NEO1: variants seen among roughly 807,000 people sequenced by gnomAD.
NEO1 encodes neogenin.
NEO1 carries 63 observed loss-of-function variants against 159.7 expected under a neutral mutation model. The observed-to-expected ratio is 0.39, with a 90% CI of 0.32 to 0.49. The LOEUF (loss-of-function observed/expected upper bound fraction) is 0.49, where lower values mean the gene tolerates loss of function less well. NEO1 is among the 20% of genes least tolerant of loss of function. The pLI, the probability that NEO1 is intolerant of heterozygous loss-of-function variation, is 0.85. For synonymous variants in NEO1, 633 were observed against 662.0 expected, an observed-to-expected ratio of 0.96 and a Z score of 0.67; for missense variants, 1,615 against 1,831.0, an observed-to-expected ratio of 0.88 and a Z score of 2.15.
chr15:73,289,285 C>T (rs776305292), intron 25 of NEO1, 47 bp downstream of exon 25: 2 of 1,461,052 alleles, frequency 1.4e-6, no homozygotes, highest in African/African-American at 1.4e-5. Flanking sequence ...TCTGTTCAGT[C>T]ATGTAGGGGA....
At position 73,263,595 on chromosome 15, in the gene NEO1, C is replaced by T. The variant is rs189122440; in HGVS notation, c.2399-2721C>T. On this transcript the variant is annotated intron_variant, in intron 15 of 28. Coordinates refer to ENST00000261908, the MANE Select transcript of NEO1 (RefSeq NM_002499.4). ...TAATTACTTTTCCAAATTGGATTAT[C>T]GTTATAGATCTTTTTTGAAACACTT... is the stretch of plus-strand genomic sequence containing the variant. 1.4e-3 allele frequency among the ~76,000 whole-genome samples: 216 copies of T among 152,070 alleles called. 1 individual carries two copies. The highest frequency in any genetic ancestry group is 2.9e-3 in the African/African-American group (122 of 41,514).
At chr15:73,176,084 G>T in intron 5 of NEO1, among the ~76,000 whole-genome samples, 1 of 152,086 alleles carries the variant, frequency 6.6e-6, no homozygotes, top group East Asian at 1.9e-4. Context: ...TAAATCTTAG[G>T]GAAGTATTCT....
At chr15:73,215,272 T>G (rs1295551800) in intron 7 of NEO1, among the ~76,000 whole-genome samples, 1 of 152,208 alleles carries the variant, frequency 6.6e-6, no homozygotes, top group Non-Finnish European at 1.5e-5. Context: ...CCTTTATTTC[T>G]TTCTCTTGTC....
rs114079611 is a variant in NEO1 at position 73,143,820 on chromosome 15, C to T, written c.1015+7793C>T. The stretch of plus-strand genomic sequence containing the variant: ...CTCAAGATTAGTTTACTTGACCCCT[C>T]TGTGAAGCTTTTCTTAACCATCCCC... On this transcript the variant is annotated intron_variant, in intron 5 of 28. Coordinates refer to ENST00000261908, the MANE Select transcript of NEO1 (RefSeq NM_002499.4). 1.0e-3 allele frequency among the ~76,000 whole-genome samples: 157 copies of T among 152,312 alleles called. 1 individual carries two copies. The highest frequency in any genetic ancestry group is 3.5e-3 in the African/African-American group (145 of 41,568).
intron 1 of NEO1, among the ~76,000 whole-genome samples, chr15:73,087,628 T>C (rs1037850226): frequency 5.9e-5 from 9 of 152,178 alleles, no homozygotes; most frequent in African/African-American, 2.2e-4. Context: ...ATGGGTCTTC[T>C]ACAAGATAAA....
intron 27 of NEO1, among the ~76,000 whole-genome samples, chr15:73,300,582 T>G (rs1374092483): frequency 6.6e-6 from 1 of 152,124 alleles, no homozygotes; most frequent in Non-Finnish European, 1.5e-5. Flanking sequence ...ATACAAAAAG[T>G]TAGCCGGGTG....
At chr15:73,238,958 C>A (rs796422880) in intron 8 of NEO1, among the ~76,000 whole-genome samples, 15 of 152,226 alleles carry the variant, frequency 9.9e-5, no homozygotes, top group African/African-American at 3.1e-4. Context: ...CAGCGATTCT[C>A]CTGCCTCAGC....
chr15:73,302,077 T>C (rs1437785767), intron 28 of NEO1, among the ~76,000 whole-genome samples: 1 of 152,244 alleles, frequency 6.6e-6, no homozygotes, highest in African/African-American at 2.4e-5. Context: ...CTGTCATTGT[T>C]CTTTTCTTGG....
chr15:73,073,205 C>T (rs2068618861), intron 1 of NEO1, among the ~76,000 whole-genome samples: 1 of 152,146 alleles, frequency 6.6e-6, no homozygotes, highest in African/African-American at 2.4e-5. Flanking sequence ...GGTTGTATCA[C>T]AGGAACCAAG....
intron 7 of NEO1, among the ~76,000 whole-genome samples, chr15:73,186,879 G>A (rs375467530): frequency 6.6e-6 from 1 of 152,058 alleles, no homozygotes; most frequent in Non-Finnish European, 1.5e-5. Context: ...CCATTCTAGC[G>A]CAAAAGCCAC....
chr15:73,293,623 C>A, intron 26 of NEO1, 75 bp downstream of exon 26: 1 of 1,474,708 alleles, frequency 6.8e-7, no homozygotes. Context: ...AAGGACTTGC[C>A]CTACTTAGAA....
At chr15:73,252,241 G>A (rs1388491197) in intron 11 of NEO1, among the ~76,000 whole-genome samples, 4 of 152,168 alleles carry the variant, frequency 2.6e-5, no homozygotes, top group Non-Finnish European at 5.9e-5. Flanking sequence ...AAGTTTCCAC[G>A]GGTGGATTAG....
At chr15:73,239,641 G>T (rs1392240429) in intron 8 of NEO1, among the ~76,000 whole-genome samples, 1 of 152,154 alleles carries the variant, frequency 6.6e-6, no homozygotes, top group African/African-American at 2.4e-5. Flanking sequence ...GTAACATGCT[G>T]TGCAGGTTCG....
chr15:73,087,013 T>C (rs2069405108), intron 1 of NEO1, among the ~76,000 whole-genome samples: 1 of 152,196 alleles, frequency 6.6e-6, no homozygotes, highest in Non-Finnish European at 1.5e-5. Flanking sequence ...TTTCTTTGCC[T>C]TATTACACTG....
intron 1 of NEO1, among the ~76,000 whole-genome samples, chr15:73,066,320 C>CTTT (rs35179965): frequency 6.4e-5 from 7 of 110,218 alleles, no homozygotes; most frequent in African/African-American, 1.1e-4. Context: ...CACCTGGCCT[C>CTTT]TTTTTTTTTT....
intron 9 of NEO1, among the ~76,000 whole-genome samples, chr15:73,246,515 T>A (rs970047554): frequency 2.6e-5 from 4 of 152,088 alleles, no homozygotes; most frequent in Non-Finnish European, 5.9e-5. Context: ...AGAGAAAACT[T>A]ACTGTAAAAG....
At chr15:73,087,916 C>T (rs920762630) in intron 1 of NEO1, among the ~76,000 whole-genome samples, 2 of 151,986 alleles carry the variant, frequency 1.3e-5, no homozygotes, top group African/African-American at 4.8e-5. Flanking sequence ...TTTACATAAA[C>T]ATTCTTCTAA....
intron 11 of NEO1, 51 bp downstream of exon 11, chr15:73,249,772 GT>G: frequency 6.5e-7 from 1 of 1,549,830 alleles, no homozygotes; most frequent in East Asian, 2.3e-5. Context: ...GCCCCTAGTG[GT>G]TTAGTTGTAA....
intron 26 of NEO1, among the ~76,000 whole-genome samples, chr15:73,297,345 A>G (rs1404148550): frequency 6.6e-6 from 1 of 152,236 alleles, no homozygotes; most frequent in Non-Finnish European, 1.5e-5. Context: ...CTAGTGAACT[A>G]ATGAATGTAA....
Sources: gnomAD v4.1 joint callset for allele counts (sites outside exome capture counted in the v4.1 genomes callset) on GRCh38, gnomAD v4.1.1 for gene constraint, MANE v1.5 for transcripts, NCBI Gene and HGNC (gene_info 2026-07-23, HGNC 2026-07-21) for gene names.